Variants in ATG5 observed in about 807,000 individuals in gnomAD.
The protein encoded by ATG5 is autophagy related 5.
ATG5 carries 14 observed loss-of-function variants against 36.5 expected under a neutral mutation model. The ratio of observed to expected loss-of-function variants is 0.38; its 90% CI spans 0.25 to 0.60. The LOEUF (loss-of-function observed/expected upper bound fraction) is 0.60. ATG5 is among the 20% of genes least tolerant of loss of function. The probability of loss-of-function intolerance (pLI) is 0.60; values close to 1 mark genes in which losing one functional copy is unlikely to be tolerated. For synonymous variants in ATG5, 95 were observed against 101.5 expected (o/e 0.94, Z 0.38); for missense variants, 195 against 326.7 (o/e 0.60, Z 3.11).
intron 4 of ATG5, among the ~76,000 whole-genome samples, chr6:106,284,691 G>C (rs1027907711): frequency 1.3e-5 from 2 of 151,188 alleles, no homozygotes; most frequent in Non-Finnish European, 2.9e-5. Context: ...CAATCTAGAG[G>C]GCGTGAAGGG....
At chr6:106,288,583 C>A (rs537243611) in intron 4 of ATG5, among the ~76,000 whole-genome samples, 1 of 152,128 alleles carries the variant, frequency 6.6e-6, no homozygotes, top group Non-Finnish European at 1.5e-5. Flanking sequence ...CAGACAATTA[C>A]CATTAACTTT....
At chr6:106,308,621 C>A in intron 2 of ATG5, 130 bp from the exon 3 acceptor site, 1 of 680,348 alleles carries the variant, frequency 1.5e-6, no homozygotes, top group Non-Finnish European at 2.2e-6. Context: ...CACACAAAGT[C>A]TACTGCTTTT....
chr6:106,210,545 C>G (rs545252596), intron 6 of ATG5, among the ~76,000 whole-genome samples: 1 of 152,214 alleles, frequency 6.6e-6, no homozygotes, highest in African/African-American at 2.4e-5. Context: ...AAAACTGACC[C>G]TTCGTATTTC....
chr6:106,278,209 C>G (rs1779737183), intron 5 of ATG5, among the ~76,000 whole-genome samples: 1 of 152,116 alleles, frequency 6.6e-6, no homozygotes, highest in Non-Finnish European at 1.5e-5. Context: ...CTAAAGAATG[C>G]TGGGATTACA....
chr6:106,282,226 G>A (rs1001419463), intron 4 of ATG5, among the ~76,000 whole-genome samples: 6 of 152,140 alleles, frequency 3.9e-5, no homozygotes, highest in Non-Finnish European at 7.3e-5. Flanking sequence ...TTTCTTGTCC[G>A]ATTCCAGAAA....
At chr6:106,217,709 T>A (rs1400659740) in intron 6 of ATG5, 2 of 152,242 alleles carry the variant, frequency 1.3e-5, no homozygotes, top group African/African-American at 4.8e-5. Context: ...AGGTCAGAGT[T>A]TATAGTTCTA....
intron 5 of ATG5, among the ~76,000 whole-genome samples, chr6:106,261,121 A>G (rs768275796): frequency 6.6e-6 from 1 of 152,236 alleles, no homozygotes; most frequent in Non-Finnish European, 1.5e-5. Context: ...GTGGGAAAGA[A>G]GAGTTGTTAA....
intron 7 of ATG5, among the ~76,000 whole-genome samples, chr6:106,200,721 C>CCA (rs1776394419): frequency 6.6e-6 from 1 of 152,144 alleles, no homozygotes; most frequent in Admixed American, 6.5e-5. Context: ...ACCTCGTGAT[C>CCA]CACCCGCCTT....
At chr6:106,253,085 T>A (rs776760252) in intron 5 of ATG5, among the ~76,000 whole-genome samples, 2 of 152,256 alleles carry the variant, frequency 1.3e-5, no homozygotes, top group African/African-American at 4.8e-5. Context: ...TAGACCCATA[T>A]GAATTAATTT....
rs1006343080 is a variant in ATG5, at chr6:106,281,041, A to G, written c.316-1218T>C. ...GCCTACTCCGGTTACTGTATTCACA[A>G]ACAACATTCAATTAACCCTGTCATG... On this transcript the variant is annotated intron_variant, in intron 4 of 7. Coordinates refer to ENST00000369076, the MANE Select transcript of ATG5 (RefSeq NM_004849.4). Among the ~76,000 whole-genome samples, 7 of 152,312 alleles carry G rather than the reference A, an allele frequency of 4.6e-5. No individual in the cohort carries two copies. In the East Asian group the frequency reaches 1.3e-3, roughly 29 times the overall value.
chr6:106,231,911 C>A (rs779442790), intron 6 of ATG5, among the ~76,000 whole-genome samples: 7 of 152,146 alleles, frequency 4.6e-5, no homozygotes, highest in Admixed American at 2.6e-4. Context: ...AAGGGAAAAG[C>A]TAGGCAAATC....
intron 7 of ATG5, among the ~76,000 whole-genome samples, chr6:106,194,275 G>A (rs1014768761): frequency 2.0e-5 from 3 of 151,830 alleles, no homozygotes; most frequent in African/African-American, 4.8e-5. Context: ...CTATTCTTCC[G>A]GGGGCAGTGC....
chr6:106,290,680 A>G (rs1371073386), intron 4 of ATG5, among the ~76,000 whole-genome samples: 1 of 152,192 alleles, frequency 6.6e-6, no homozygotes, highest in Non-Finnish European at 1.5e-5. Context: ...ACTCTGTTAC[A>G]TTAAGATTTC....
At chr6:106,189,441 A>G (rs908349805) in intron 7 of ATG5, among the ~76,000 whole-genome samples, 1 of 151,966 alleles carries the variant, frequency 6.6e-6, no homozygotes, top group African/African-American at 2.4e-5. Context: ...TCTACAAAAA[A>G]TAAAAAAACT....
intron 6 of ATG5, among the ~76,000 whole-genome samples, chr6:106,212,009 G>A (rs1776870177): frequency 6.6e-6 from 1 of 152,060 alleles, no homozygotes; most frequent in African/African-American, 2.4e-5. Context: ...TGTTATATTT[G>A]CAGGTGCTTA....
At chr6:106,228,369 G>A (rs943559842) in intron 6 of ATG5, among the ~76,000 whole-genome samples, 5 of 152,150 alleles carry the variant, frequency 3.3e-5, no homozygotes, top group East Asian at 3.8e-4. Flanking sequence ...TGCCGATCCC[G>A]ACTGGGCTAA....
At chr6:106,268,387 G>A (rs761836667) in intron 5 of ATG5, among the ~76,000 whole-genome samples, 4 of 152,176 alleles carry the variant, frequency 2.6e-5, no homozygotes, top group Non-Finnish European at 4.4e-5. Flanking sequence ...AACAGATGCT[G>A]GCAAGGTTGT....
intron 4 of ATG5, among the ~76,000 whole-genome samples, chr6:106,288,758 A>T (rs1780184791): frequency 6.6e-6 from 1 of 152,256 alleles, no homozygotes; most frequent in Non-Finnish European, 1.5e-5. Context: ...GTAACTTGAA[A>T]GCACATTAAA....
intron 3 of ATG5, among the ~76,000 whole-genome samples, chr6:106,300,629 G>A (rs1401045063): frequency 6.6e-6 from 1 of 152,022 alleles, no homozygotes; most frequent in Non-Finnish European, 1.5e-5. Flanking sequence ...GCTACATGGT[G>A]TAGCCTAATG....
Sources: allele counts gnomAD v4.1 joint callset (sites outside exome capture counted in the v4.1 genomes callset), GRCh38; gene constraint gnomAD v4.1.1; transcripts MANE v1.5; gene names NCBI Gene and HGNC (gene_info 2026-07-23, HGNC 2026-07-21).